The following LINGO1 variants were observed in gnomAD, a reference collection of about 807,000 sequenced individuals.
LINGO1 encodes the protein leucine rich repeat and Ig domain containing 1.
A neutral mutation model predicts 37.3 loss-of-function variants in LINGO1; 11 were observed. That is an observed-to-expected ratio of 0.29 (90% CI 0.19 to 0.49). The LOEUF is 0.49. Among genes scored for constraint, LINGO1 ranks in the 20% least tolerant of loss-of-function variants. The probability of loss-of-function intolerance (pLI) is 0.99; values close to 1 mark genes in which losing one functional copy is unlikely to be tolerated. For synonymous variants in LINGO1, 387 were observed against 403.0 expected (o/e 0.96, Z 0.48); for missense variants, 585 against 878.2 (o/e 0.67, Z 4.22).
At chr15:77,701,442 G>A (rs1049973486), upstream of LINGO1, among the ~76,000 whole-genome samples, 18 of 152,098 alleles carry the variant, frequency 1.2e-4, no homozygotes, top group South Asian at 6.2e-4. Flanking sequence ...CCTCCCTGGC[G>A]GGGTGGGAAC....
At chr15:77,789,152 T>A (rs1309166981), upstream of LINGO1, among the ~76,000 whole-genome samples, 1 of 152,230 alleles carries the variant, frequency 6.6e-6, no homozygotes, top group Non-Finnish European at 1.5e-5. Flanking sequence ...GGGATTGAAT[T>A]GTGTGCCTCC....
rs563014451 is a variant in LINGO1 at position 77,738,591 on chromosome 15, G to T, written c.-256-3538C>A. On this transcript the variant is annotated intron_variant, in intron 1 of 3. Transcript: ENST00000561686. ...CATTTCCTCCGCCTGACATTATATT[G>T]TCTATTTATGTGTGGCCTTGTTTCC... Among the ~76,000 whole-genome samples the T allele has an allele frequency of 2.6e-5, 4 of 152,202 alleles. No individual in the cohort carries two copies. The East Asian group carries it at 7.7e-4, about 29-fold the overall frequency.
chr15:77,767,031 T>C (rs943370158), intron 1 of LINGO1, among the ~76,000 whole-genome samples: 1 of 151,898 alleles, frequency 6.6e-6, no homozygotes, highest in Non-Finnish European at 1.5e-5. Context: ...TTAACTGGGG[T>C]TCCAGAAAAT....
At chr15:77,810,834 G>A (rs1370442308) in intron 1 of LINGO1, among the ~76,000 whole-genome samples, 1 of 152,164 alleles carries the variant, frequency 6.6e-6, no homozygotes, top group Non-Finnish European at 1.5e-5. Context: ...GCTACCTTGG[G>A]CTGGCAGAGG....
intron 1 of LINGO1, among the ~76,000 whole-genome samples, chr15:77,763,407 C>T (rs1414900404): frequency 2.6e-5 from 4 of 152,154 alleles, no homozygotes; most frequent in Admixed American, 2.6e-4. Context: ...CAGCCCTCAC[C>T]CATCCCCTCT....
At chr15:77,702,804 C>A (rs1207804543) in intron 2 of LINGO1, among the ~76,000 whole-genome samples, 1 of 152,216 alleles carries the variant, frequency 6.6e-6, no homozygotes, top group Non-Finnish European at 1.5e-5. Flanking sequence ...CCAGCTTTTC[C>A]CAGCAGCTTC....
chr15:77,641,866 G>A (rs1209030841), intron 3 of LINGO1: 1 of 456,628 alleles, frequency 2.2e-6, no homozygotes, highest in Non-Finnish European at 4.4e-6. Context: ...ATAGGCTGAG[G>A]CCAGCTGGGA....
At chr15:77,730,790 C>A (rs775674271) in intron 2 of LINGO1, among the ~76,000 whole-genome samples, 2 of 152,244 alleles carry the variant, frequency 1.3e-5, no homozygotes, top group Non-Finnish European at 2.9e-5. Flanking sequence ...GACTTGCAGG[C>A]AGGTTAGACT....
intron 1 of LINGO1, among the ~76,000 whole-genome samples, chr15:77,742,202 T>C (rs575534033): frequency 6.6e-6 from 1 of 152,296 alleles, no homozygotes; most frequent in South Asian, 2.1e-4. Flanking sequence ...CGGGGACACG[T>C]GTGGAGGAGA....
chr15:77,615,178 G>C lies in LINGO1; in HGVS notation c.729C>G (p.Val243=). Residue 243 remains valine, a synonymous_variant, in exon 2 of 2, where the codon GTC becomes GTG. Coordinates refer to ENST00000355300, the MANE Select transcript of LINGO1 (RefSeq NM_032808.7). ...YSFKRLYRLK[V]LEISHWPYLD... ...AGTAGGGCCAGTGGGAGATCTCCAAGACCTTGAGTCGGTACAGCCTCTTGA... is the reference window on the plus strand; with the variant it reads ...AGTAGGGCCAGTGGGAGATCTCCAACACCTTGAGTCGGTACAGCCTCTTGA... The C allele has an allele frequency of 6.2e-7, 1 of 1,613,874 alleles. No individual in the cohort carries two copies.
At chr15:77,813,289 C>T (rs1164872788) in intron 1 of LINGO1, among the ~76,000 whole-genome samples, 2 of 152,016 alleles carry the variant, frequency 1.3e-5, no homozygotes, top group African/African-American at 2.4e-5. Flanking sequence ...GGGATCTCCA[C>T]GGACAGGGAT....
intron 2 of LINGO1, among the ~76,000 whole-genome samples, chr15:77,677,563 A>G (rs1376426703): frequency 6.6e-6 from 1 of 151,966 alleles, no homozygotes; most frequent in Non-Finnish European, 1.5e-5. Flanking sequence ...ACTGCTACCA[A>G]CAAATGTGTC....
intron 2 of LINGO1, among the ~76,000 whole-genome samples, chr15:77,793,232 C>T (rs911124141): frequency 3.3e-5 from 5 of 152,178 alleles, no homozygotes; most frequent in South Asian, 2.1e-4. Flanking sequence ...TTAAACACCA[C>T]GGATCCCACC....
intron 3 of LINGO1, among the ~76,000 whole-genome samples, chr15:77,666,633 TAAC>T (rs1180849687): frequency 6.6e-6 from 1 of 152,212 alleles, no homozygotes; most frequent in Non-Finnish European, 1.5e-5. Flanking sequence ...GCCCACCACT[TAAC>T]AACCTTGTGA....
intron 2 of LINGO1, among the ~76,000 whole-genome samples, chr15:77,724,317 G>A (rs2076081033): frequency 6.6e-6 from 1 of 152,228 alleles, no homozygotes; most frequent in Non-Finnish European, 1.5e-5. Flanking sequence ...TTAGGGGTGT[G>A]AATTGGGCAG....
chr15:77,755,223 G>T (rs2076408207), intron 1 of LINGO1, among the ~76,000 whole-genome samples: 1 of 152,196 alleles, frequency 6.6e-6, no homozygotes, highest in South Asian at 2.1e-4. Flanking sequence ...CCCCATGCTG[G>T]CCTAGGGGAA....
chr15:77,654,704 T>C (rs1235979775), intron 3 of LINGO1, among the ~76,000 whole-genome samples: 1 of 152,146 alleles, frequency 6.6e-6, no homozygotes, highest in Admixed American at 6.5e-5. Flanking sequence ...CGCTGAGTTC[T>C]AACCCTGGCT....
intron 1 of LINGO1, among the ~76,000 whole-genome samples, chr15:77,775,257 A>C (rs4886908): frequency 0.94 from 142,775 of 152,216 alleles, 67,116 homozygotes; most frequent in Non-Finnish European, 0.97. Flanking sequence ...CATCCATCTG[A>C]AGCTCTAATT....
chr15:77,700,784 G>A (rs919159056), upstream of LINGO1, among the ~76,000 whole-genome samples: 6 of 152,234 alleles, frequency 3.9e-5, no homozygotes, highest in Non-Finnish European at 8.8e-5. Flanking sequence ...AAGGTCAGGG[G>A]TTGCAGATGG....
Sources: gnomAD v4.1 joint callset for allele counts (sites outside exome capture counted in the v4.1 genomes callset) on GRCh38, gnomAD v4.1.1 for gene constraint, MANE v1.5 for transcripts, NCBI Gene and HGNC (gene_info 2026-07-23, HGNC 2026-07-21) for gene names.